Variants in GRXCR1 observed in about 807,000 individuals in gnomAD.
GRXCR1 encodes the protein glutaredoxin domain-containing cysteine-rich protein 1.
In GRXCR1, 27 loss-of-function variants were observed where a neutral mutation model predicts 27.3. That is an observed-to-expected ratio of 0.99 (90% confidence interval 0.73 to 1.37). The LOEUF is 1.37. Among genes scored for constraint, GRXCR1 ranks in the 40% most tolerant of loss-of-function variants. The probability of loss-of-function intolerance (pLI) is 0.00; values close to 1 mark genes in which losing one functional copy is unlikely to be tolerated. For missense variants in GRXCR1, 379 were observed against 354.4 expected, an observed-to-expected ratio of 1.07 and a Z score of -0.56; for synonymous variants, 122 against 131.1, an observed-to-expected ratio of 0.93 and a Z score of 0.47.
chr4:42,962,949 G>A lies in GRXCR1; in HGVS notation c.442G>A (p.Val148Met), dbSNP rs1442423972. 1 of 1,612,770 alleles carries A rather than the reference G, an allele frequency of 6.2e-7. No homozygotes were observed. The highest frequency in any genetic ancestry group is 1.7e-5 in the Admixed American group (1 of 59,890). ...AGTGATTTATACCACCTGCCTTCGTGTGGTCCGGACAACCTTTGAAAGATG... is the reference window on the plus strand; with the variant it reads ...AGTGATTTATACCACCTGCCTTCGTATGGTCCGGACAACCTTTGAAAGATG... ...RVVIYTTCLR[V>M]VRTTFERCEL... The change falls in exon 2 of 4, where the codon GTG becomes ATG. Residue 148 changes from valine to methionine, a missense_variant. Val to Met is a conservative substitution (Grantham distance 21). Transcript: ENST00000399770.
At position 42,893,228 on chromosome 4, in the gene GRXCR1, C is replaced by A. The variant is rs1746272044; in HGVS notation, c.-39C>A. ...GTGGACTAGTGCAGTAACAACGGGT[C>A]CAGAATGCTGTAAACTGTTCATATG... On this transcript the variant is annotated 5_prime_UTR_variant, in exon 1 of 4. Coordinates refer to ENST00000399770, the MANE Select transcript of GRXCR1 (RefSeq NM_001080476.3). 1 of 1,612,168 alleles carries A rather than the reference C, an allele frequency of 6.2e-7. No homozygotes were observed. Among genetic ancestry groups the A allele is most frequent in the South Asian group, 1.1e-5 (1 of 90,960 alleles).
At chr4:42,975,548 A>G (rs910950686) in intron 2 of GRXCR1, among the ~76,000 whole-genome samples, 4 of 152,090 alleles carry the variant, frequency 2.6e-5, no homozygotes, top group Admixed American at 6.6e-5. Flanking sequence ...CCTTTAACAG[A>G]TGTCTCTTCC....
intron 1 of GRXCR1, among the ~76,000 whole-genome samples, chr4:42,906,911 T>A (rs1197210136): frequency 6.6e-6 from 1 of 152,222 alleles, no homozygotes; most frequent in Non-Finnish European, 1.5e-5. Flanking sequence ...CATTTTGATC[T>A]GCCATGTGAA....
intron 2 of GRXCR1, among the ~76,000 whole-genome samples, chr4:43,008,240 A>T (rs1228860148): frequency 6.6e-6 from 1 of 152,158 alleles, no homozygotes; most frequent in African/African-American, 2.4e-5. Flanking sequence ...ATAAATAGTC[A>T]TTGCATGGAT....
intron 1 of GRXCR1, among the ~76,000 whole-genome samples, chr4:42,906,047 T>G (rs1746582417): frequency 6.6e-6 from 1 of 152,208 alleles, no homozygotes; most frequent in Non-Finnish European, 1.5e-5. Context: ...ACATTTTTTC[T>G]GCCTGTCCTT....
intron 2 of GRXCR1, among the ~76,000 whole-genome samples, chr4:42,979,861 G>T (rs1275551067): frequency 6.6e-6 from 1 of 151,836 alleles, no homozygotes; most frequent in Non-Finnish European, 1.5e-5. Flanking sequence ...GGTCTGTTCA[G>T]ATATTTTATT....
At chr4:42,895,787 C>T (rs1009492704) in intron 1 of GRXCR1, among the ~76,000 whole-genome samples, 1 of 151,984 alleles carries the variant, frequency 6.6e-6, no homozygotes, top group Non-Finnish European at 1.5e-5. Context: ...AGTGTATATT[C>T]CCATAGGCAT....
chr4:42,997,189 G>A (rs536680178), intron 2 of GRXCR1, among the ~76,000 whole-genome samples: 11 of 152,274 alleles, frequency 7.2e-5, no homozygotes, highest in African/African-American at 2.6e-4. Flanking sequence ...TGGGGTAGAT[G>A]ATGTCTTAAA....
intron 1 of GRXCR1, among the ~76,000 whole-genome samples, chr4:42,934,288 C>T (rs1283820929): frequency 6.7e-6 from 1 of 150,264 alleles, no homozygotes; most frequent in South Asian, 2.1e-4. Context: ...TTTAGCATAT[C>T]CGAAGTACTG....
intron 2 of GRXCR1, among the ~76,000 whole-genome samples, chr4:43,004,703 CT>C (rs1712499556): frequency 6.6e-6 from 1 of 152,142 alleles, no homozygotes; most frequent in Non-Finnish European, 1.5e-5. Context: ...GCCTATAGCC[CT>C]TTTGTTTTGG....
intron 3 of GRXCR1, among the ~76,000 whole-genome samples, chr4:43,028,249 C>T (rs1366195225): frequency 6.6e-6 from 1 of 152,214 alleles, no homozygotes; most frequent in Admixed American, 6.5e-5. Flanking sequence ...TGCCCACTTA[C>T]ATTTAAATAT....
At chr4:42,932,990 T>C (rs1328207183) in intron 1 of GRXCR1, among the ~76,000 whole-genome samples, 4 of 151,754 alleles carry the variant, frequency 2.6e-5, no homozygotes, top group African/African-American at 9.7e-5. Context: ...TCTATATGAT[T>C]CTAGGGAACA....
At chr4:43,017,924 G>A (rs1712977006) in intron 2 of GRXCR1, among the ~76,000 whole-genome samples, 1 of 152,154 alleles carries the variant, frequency 6.6e-6, no homozygotes, top group South Asian at 2.1e-4. Context: ...GCAAATGCAG[G>A]GAAAGCAGGG....
intron 1 of GRXCR1, among the ~76,000 whole-genome samples, chr4:42,944,065 A>G (rs1455962070): frequency 1.3e-5 from 2 of 152,090 alleles, no homozygotes; most frequent in Non-Finnish European, 2.9e-5. Context: ...TGGCAATAGG[A>G]AGGCAGCAAT....
chr4:42,937,905 C>A (rs1290444471), intron 1 of GRXCR1, among the ~76,000 whole-genome samples: 2 of 151,916 alleles, frequency 1.3e-5, no homozygotes, highest in Admixed American at 1.3e-4. Flanking sequence ...AAGCATTTAT[C>A]ATTTCTTTGA....
chr4:42,938,900 G>T (rs1747530166), intron 1 of GRXCR1, among the ~76,000 whole-genome samples: 1 of 151,488 alleles, frequency 6.6e-6, no homozygotes. Context: ...TGCTGTTCTG[G>T]GTACTATAGC....
intron 1 of GRXCR1, among the ~76,000 whole-genome samples, chr4:42,897,949 T>G (rs1746386600): frequency 6.8e-5 from 1 of 14,610 alleles, no homozygotes; most frequent in African/African-American, 9.2e-5. Context: ...TTATTATTAT[T>G]ATTATTATTC....
At position 42,955,558 on chromosome 4, in the gene GRXCR1, C is replaced by G. The variant is rs550882635; in HGVS notation, c.385-7334C>G. 5.3e-5 allele frequency among the ~76,000 whole-genome samples: 8 copies of G among 152,186 alleles called. No individual in the cohort carries two copies. The South Asian group carries it at 1.7e-3, about 32-fold the overall frequency. ...ATTTTGCTGAACGTCAACTCTGTCT[C>G]CTTGTCAAGGATATGAGGATACTTA... On this transcript the variant is annotated intron_variant, in intron 1 of 3. Transcript: ENST00000399770.
At chr4:43,008,768 T>C (rs1014486686) in intron 2 of GRXCR1, among the ~76,000 whole-genome samples, 1 of 152,204 alleles carries the variant, frequency 6.6e-6, no homozygotes, top group Non-Finnish European at 1.5e-5. Context: ...CAACTGTTAG[T>C]TGTGTGATTT....
Sources: gnomAD v4.1 joint callset for allele counts (sites outside exome capture counted in the v4.1 genomes callset) on GRCh38, gnomAD v4.1.1 for gene constraint, MANE v1.5 for transcripts, NCBI Gene and HGNC (gene_info 2026-07-23, HGNC 2026-07-21) for gene names.